C7orf78: variants seen among roughly 807,000 people sequenced by gnomAD.
C7orf78 encodes chromosome 7 open reading frame 78, also known as putative uncharacterized protein C7orf78.
chr7:12,500,315 A>G, the C7orf78 span, among the ~76,000 whole-genome samples: 1 of 151,584 alleles, frequency 6.6e-6, no homozygotes, highest in African/African-American at 2.4e-5. Context: ...ATGATCAACA[A>G]AATTGATAGA....
the C7orf78 span, chr7:12,528,908 G>C: frequency 5.0e-6 from 2 of 398,328 alleles, no homozygotes; most frequent in Middle Eastern, 6.3e-4. Flanking sequence ...CTAGTACATG[G>C]GTACCAGTTA....
chr7:12,498,131 G>T, the C7orf78 span, among the ~76,000 whole-genome samples: 1 of 151,724 alleles, frequency 6.6e-6, no homozygotes, highest in African/African-American at 2.4e-5. Context: ...ACAAAGATGG[G>T]GAAAAAACAG....
At chr7:12,523,399 C>G in the C7orf78 span, 1 of 398,078 alleles carries the variant, frequency 2.5e-6, no homozygotes, top group Non-Finnish European at 4.4e-6. Context: ...GTGTATATGT[C>G]AATCCCAAAC....
the C7orf78 span, among the ~76,000 whole-genome samples, chr7:12,517,076 G>T: frequency 4.6e-5 from 7 of 152,026 alleles, no homozygotes; most frequent in African/African-American, 1.7e-4. Context: ...TAGTTTAACT[G>T]TGTCCCCACC....
At chr7:12,499,532 A>C in the C7orf78 span, among the ~76,000 whole-genome samples, 7 of 148,924 alleles carry the variant, frequency 4.7e-5, no homozygotes, top group African/African-American at 9.8e-5. Context: ...AGAGCTAACT[A>C]TCCTAAATAT....
the C7orf78 span, among the ~76,000 whole-genome samples, chr7:12,495,648 CTT>C: frequency 1.3e-5 from 2 of 152,066 alleles, no homozygotes; most frequent in African/African-American, 4.8e-5. Context: ...AAGAAAGTCT[CTT>C]GTTTTTATTT....
chr7:12,519,056 C>T, the C7orf78 span, among the ~76,000 whole-genome samples: 1 of 152,120 alleles, frequency 6.6e-6, no homozygotes, highest in South Asian at 2.1e-4. Context: ...CTCCCTGCTG[C>T]AGTAGTGGCT....
chr7:12,526,430 T>C, the C7orf78 span, among the ~76,000 whole-genome samples: 3 of 152,146 alleles, frequency 2.0e-5, no homozygotes, highest in Admixed American at 6.6e-5. Flanking sequence ...TTGTATTATT[T>C]AGCATTTCTT....
At chr7:12,501,805 G>A in the C7orf78 span, among the ~76,000 whole-genome samples, 2,013 of 133,742 alleles carry the variant, frequency 0.015, 59 homozygotes, top group African/African-American at 0.054. Context: ...CAAAGCTGGA[G>A]GCATCACACT....
chr7:12,541,433 AT>A, the C7orf78 span: 10 of 152,276 alleles, frequency 6.6e-5, no homozygotes, highest in African/African-American at 2.4e-4. Context: ...AAAATCAAAT[AT>A]TTTTACTTTA....
chr7:12,505,475 C>G, the C7orf78 span, among the ~76,000 whole-genome samples: 11 of 151,964 alleles, frequency 7.2e-5, no homozygotes, highest in Non-Finnish European at 7.4e-5. Context: ...AACATAAATC[C>G]TGATACAGAG....
At chr7:12,537,893 A>G in the C7orf78 span, among the ~76,000 whole-genome samples, 2 of 152,194 alleles carry the variant, frequency 1.3e-5, no homozygotes, top group African/African-American at 4.8e-5. Context: ...CAGATGCTCT[A>G]TATATGTACA....
chr7:12,538,708 T>C, the C7orf78 span, among the ~76,000 whole-genome samples: 1 of 152,120 alleles, frequency 6.6e-6, no homozygotes, highest in Non-Finnish European at 1.5e-5. Flanking sequence ...AGCTCATCAA[T>C]TTCATTAATT....
the C7orf78 span, among the ~76,000 whole-genome samples, chr7:12,520,662 G>T: frequency 6.6e-6 from 1 of 152,208 alleles, no homozygotes; most frequent in Non-Finnish European, 1.5e-5. Flanking sequence ...CTATCCTGGA[G>T]ACGGTTACAT....
chr7:12,527,647 G>A, the C7orf78 span, among the ~76,000 whole-genome samples: 1 of 130,086 alleles, frequency 7.7e-6, no homozygotes, highest in African/African-American at 3.0e-5. Context: ...AATGGAACAT[G>A]TCAGCTTTCC....
chr7:12,515,492 G>A, the C7orf78 span, among the ~76,000 whole-genome samples: 1 of 152,144 alleles, frequency 6.6e-6, no homozygotes, highest in Non-Finnish European at 1.5e-5. Flanking sequence ...CACTAAATTG[G>A]TATCAGAAGA....
At chr7:12,522,006 T>C in the C7orf78 span, among the ~76,000 whole-genome samples, 1 of 152,062 alleles carries the variant, frequency 6.6e-6, no homozygotes, top group Non-Finnish European at 1.5e-5. Flanking sequence ...CTGCAAAATA[T>C]TACAAATTTT....
the C7orf78 span, among the ~76,000 whole-genome samples, chr7:12,490,215 T>G: frequency 5.3e-5 from 8 of 152,170 alleles, no homozygotes; most frequent in Admixed American, 5.2e-4. Flanking sequence ...TTACTTCTGA[T>G]GTAACTGAAG....
chr7:12,524,578 C>T, the C7orf78 span, among the ~76,000 whole-genome samples: 1 of 152,086 alleles, frequency 6.6e-6, no homozygotes, highest in East Asian at 1.9e-4. Flanking sequence ...GGAGCAGTGG[C>T]TCATACCTGT....
Sources: gnomAD v4.1 joint callset for allele counts (sites outside exome capture counted in the v4.1 genomes callset) on GRCh38, gnomAD v4.1.1 for gene constraint, MANE v1.5 for transcripts, NCBI Gene and HGNC (gene_info 2026-07-23, HGNC 2026-07-21) for gene names.